The following CDON variants were observed in gnomAD, a reference collection of about 807,000 sequenced individuals.
CDON encodes the protein cell adhesion associated, oncogene regulated, also known as cell adhesion molecule-related/down-regulated by oncogenes.
In CDON, 73 loss-of-function variants were observed where a neutral mutation model predicts 120.9. That is an observed-to-expected ratio of 0.60 (90% CI 0.50 to 0.73). The LOEUF is 0.73. Among genes scored for constraint, CDON ranks in the 30% least tolerant of loss-of-function variants. The pLI, the probability that CDON is intolerant of heterozygous loss-of-function variation, is 0.00. For missense variants in CDON, 1,470 were observed against 1,587.3 expected, an observed-to-expected ratio of 0.93 and a Z score of 1.26; for synonymous variants, 566 against 573.5, an observed-to-expected ratio of 0.99 and a Z score of 0.19.
rs1947415646 is a variant in CDON at position 126,014,895 on chromosome 11, C to T, written c.1198+346G>A. 18 of 262,842 alleles carry T rather than the reference C, an allele frequency of 6.8e-5. No individual in the cohort carries two copies. In the South Asian group the frequency reaches 9.7e-4, roughly 14 times the overall value. 16.3% of individuals were successfully genotyped at this position (262,842 alleles called of 1,614,324 possible). A position where few individuals can be genotyped will look rare whatever the true frequency, so the allele number is the denominator to read the frequency against. Reference sequence around the variant, plus strand: ...TTGTGTGAAACCACTCATATGTGCACTACATACAAGGCTGCTCAAGAAACT... The same window carrying T: ...TTGTGTGAAACCACTCATATGTGCATTACATACAAGGCTGCTCAAGAAACT... On this transcript the variant is annotated intron_variant, in intron 7 of 19. Coordinates refer to ENST00000531738, the MANE Select transcript of CDON (RefSeq NM_001378964.1).
At chr11:126,038,843 A>G (rs1007534195) in intron 1 of CDON, among the ~76,000 whole-genome samples, 1 of 152,182 alleles carries the variant, frequency 6.6e-6, no homozygotes, top group Admixed American at 6.5e-5. Flanking sequence ...TCAGATGGCA[A>G]GTGTAGGTAT....
Position 125,984,070 on chromosome 11 carries a change from C to G in CDON, c.2797G>C (p.Glu933Gln). Residue 933 changes from glutamate to glutamine, a missense_variant, in exon 16 of 20, where the codon GAA (glutamate) becomes CAA (glutamine). Physicochemically the swap from Glu to Gln is conservative, Grantham distance 29 (BLOSUM62 2). Transcript: ENST00000531738. Reference protein sequence around the residue: ...TKVKRVPGASEYPVKDLSTPP... With the variant: ...TKVKRVPGASQYPVKDLSTPP... ...GTACTCAAGTCTTTGACAGGATATT[C>G]AGAAGCTCCAGGAACACGTTTCACT... 1 of 1,613,050 alleles carries G rather than the reference C, an allele frequency of 6.2e-7. No individual in the cohort carries two copies. The highest frequency in any genetic ancestry group is 2.2e-5 in the East Asian group (1 of 44,866).
intron 9 of CDON, chr11:126,005,301 CAAAA>C (rs1294947246): frequency 1.3e-4 from 15 of 111,622 alleles, no homozygotes; most frequent in Admixed American, 2.2e-4. Flanking sequence ...AACCCTGTCT[CAAAA>C]AAAAAAAAAA....
intron 11 of CDON, among the ~76,000 whole-genome samples, chr11:125,998,392 T>C (rs1025371283): frequency 1.4e-4 from 21 of 152,140 alleles, no homozygotes; most frequent in African/African-American, 4.8e-4. Flanking sequence ...TCTCGCTCTG[T>C]TGATTCACAC....
chr11:126,042,221 G>A (rs186123340), intron 1 of CDON, among the ~76,000 whole-genome samples: 3 of 152,186 alleles, frequency 2.0e-5, no homozygotes, highest in East Asian at 3.9e-4. Context: ...ATCTTCATAC[G>A]CAATTATAAG....
intron 11 of CDON, among the ~76,000 whole-genome samples, chr11:126,000,578 C>T (rs746531725): frequency 2.6e-5 from 4 of 152,038 alleles, no homozygotes; most frequent in South Asian, 2.1e-4. Context: ...GCATTTTATA[C>T]AGTATCTGCC....
chr11:126,010,696 T>A lies in CDON; in HGVS notation c.1199-2A>T, dbSNP rs1327220802. 1.2e-6 allele frequency: 2 copies of A among 1,612,354 alleles called. No individual in the cohort carries two copies. The highest frequency in any genetic ancestry group is 1.7e-6 in the Non-Finnish European group (2 of 1,178,642). The stretch of plus-strand genomic sequence containing the variant: ...TTATAACTGGCTTGAATCCACCGTC[T>A]ATTAAAAAAGTAATTCACATATGAA... On this transcript the variant is annotated splice_acceptor_variant, in intron 7 of 19. Coordinates refer to ENST00000531738, the MANE Select transcript of CDON (RefSeq NM_001378964.1). LOFTEE classifies it high-confidence loss of function.
chr11:125,985,873 G>A (rs1444543359), intron 15 of CDON, among the ~76,000 whole-genome samples: 1 of 151,802 alleles, frequency 6.6e-6, no homozygotes, highest in Non-Finnish European at 1.5e-5. Flanking sequence ...TGGTGGAAGT[G>A]TAAACTAGTT....
intron 18 of CDON, among the ~76,000 whole-genome samples, chr11:125,976,261 T>C (rs1379111493): frequency 6.6e-6 from 1 of 152,198 alleles, no homozygotes; most frequent in Non-Finnish European, 1.5e-5. Context: ...TACTTATTGA[T>C]ACTTATCTGT....
In CDON at chr11:125,961,839, C is replaced by T. The variant is rs763035768; in HGVS notation, c.3516G>A (p.Pro1172=). Residue 1172 remains proline, a synonymous_variant, in exon 19 of 20, where the codon CCG becomes CCA. Transcript: ENST00000531738. ...TSAVPDCGQL[P]EESVKDNVEP... is the part of the protein sequence containing the mutation. ...CCACATTGTCCTTGACGCTCTCCTC[C>T]GGCAACTGGCCACAATCAGGGACTG... is the stretch of plus-strand genomic sequence containing the variant. The T allele has an allele frequency of 1.1e-5, 18 of 1,614,182 alleles. No homozygotes were observed. The Admixed American group carries it at 1.3e-4, about 12-fold the overall frequency.
At chr11:125,967,510 T>G (rs11220286) in intron 18 of CDON, among the ~76,000 whole-genome samples, 10 of 152,204 alleles carry the variant, frequency 6.6e-5, no homozygotes, top group African/African-American at 1.9e-4. Context: ...CAGTTCTCAG[T>G]GTCAGATACC....
At chr11:125,976,682 G>A (rs955693557) in intron 18 of CDON, among the ~76,000 whole-genome samples, 1 of 152,002 alleles carries the variant, frequency 6.6e-6, no homozygotes, top group East Asian at 1.9e-4. Flanking sequence ...TTAAATGGCA[G>A]AGGTCATATA....
intron 1 of CDON, among the ~76,000 whole-genome samples, chr11:126,043,880 A>C (rs11220322): frequency 9.3e-4 from 141 of 152,330 alleles, no homozygotes; most frequent in Non-Finnish European, 1.7e-3. Context: ...AAAAAAGGTC[A>C]CTGTGGTTAT....
At chr11:126,027,819 C>T (rs1947833238) in intron 1 of CDON, among the ~76,000 whole-genome samples, 1 of 152,156 alleles carries the variant, frequency 6.6e-6, no homozygotes, top group Non-Finnish European at 1.5e-5. Flanking sequence ...TACTCTACAC[C>T]ACACATAACA....
rs1259206775 is a variant in CDON at position 126,023,477 on chromosome 11, A to G, written c.-1T>C. On this transcript the variant is annotated 5_prime_UTR_variant, in exon 2 of 20. Transcript: ENST00000531738. ...ATAAGGGTCCAAGATCCGGATGCAT[A>G]GCGCCAGATTACAGAAGCAATCAGG... 4.4e-6 allele frequency: 7 copies of G among 1,608,984 alleles called. No individual in the cohort carries two copies. The Admixed American group carries it at 6.7e-5, about 15-fold the overall frequency.
chr11:125,994,988 T>A lies in CDON; in HGVS notation c.2427A>T (p.Ala809=). ...ACCCAACCACTTGATAAGGACGAGA[T>A]GCTGAACTCCGAAAACTCTCACCAT... is the stretch of plus-strand genomic sequence containing the variant. ...NHYGESFRSS[A]SRPYQVVGFP... Residue 809 remains alanine (A), a synonymous_variant, in exon 13 of 20, where the codon GCA becomes GCT. Transcript: ENST00000531738. 1.2e-6 allele frequency: 2 copies of A among 1,614,184 alleles called. No individual in the cohort carries two copies. The highest frequency in any genetic ancestry group is 1.7e-6 in the Non-Finnish European group (2 of 1,180,020).
intron 1 of CDON, among the ~76,000 whole-genome samples, chr11:126,040,307 G>A (rs968760729): frequency 2.0e-5 from 3 of 152,108 alleles, no homozygotes; most frequent in Non-Finnish European, 4.4e-5. Flanking sequence ...CATAAGAAAC[G>A]GGACCTTGTC....
At chr11:125,998,531 G>A in intron 11 of CDON, among the ~76,000 whole-genome samples, 1 of 151,910 alleles carries the variant, frequency 6.6e-6, no homozygotes, top group East Asian at 1.9e-4. Context: ...AGTGATGCTG[G>A]TGCCATGCCT....
intron 1 of CDON, among the ~76,000 whole-genome samples, chr11:126,032,320 G>C (rs1947965428): frequency 6.6e-6 from 1 of 151,960 alleles, no homozygotes; most frequent in Admixed American, 6.6e-5. Flanking sequence ...GGGAGGAAGA[G>C]AAGGAAGGAA....
Sources: gnomAD v4.1 joint callset for allele counts (sites outside exome capture counted in the v4.1 genomes callset) on GRCh38, gnomAD v4.1.1 for gene constraint, MANE v1.5 for transcripts, NCBI Gene and HGNC (gene_info 2026-07-23, HGNC 2026-07-21) for gene names.